The following GPAT3 variants were observed in gnomAD, a reference collection of about 807,000 sequenced individuals.
GPAT3 encodes the protein glycerol-3-phosphate acyltransferase 3.
In GPAT3, 53 loss-of-function variants were observed where a neutral mutation model predicts 58.8. The ratio of observed to expected loss-of-function variants is 0.90; its 90% CI spans 0.72 to 1.13. The LOEUF is 1.13. Among genes scored for constraint, GPAT3 ranks in the 50% most tolerant of loss-of-function variants. The pLI is 0.00. For missense variants in GPAT3, 511 were observed against 527.6 expected (o/e 0.97, Z 0.31); for synonymous variants, 197 against 187.4 (o/e 1.05, Z -0.42).
At chr4:83,565,302 TG>T (rs1725339889) in intron 2 of GPAT3, among the ~76,000 whole-genome samples, 1 of 151,906 alleles carries the variant, frequency 6.6e-6, no homozygotes, top group African/African-American at 2.4e-5. Flanking sequence ...GGTTTCACCA[TG>T]TTGACCGGGC....
At position 83,579,017 on chromosome 4, in the gene GPAT3, CCTTTCTTTCTTTCTTTCTTTCTTT is replaced by C. The variant is rs756095198; in HGVS notation, c.209-2505_209-2482del. On this transcript the variant is annotated intron_variant, in intron 2 of 11. Transcript: ENST00000264409. The stretch of plus-strand genomic sequence containing the variant: ...CCTTCCTTCCTTCCTTCCTTCTTTC[CCTTTCTTTCTTTCTTTCTTTCTTT>C]CTTTCTTTCTTTCTTTCTTTCTTTC... Among the ~76,000 whole-genome samples, 24 of 46,522 alleles carry C rather than the reference CCTTTCTTTCTTTCTTTCTTTCTTT, an allele frequency of 5.2e-4. 1 individual carries two copies. Among genetic ancestry groups the C allele is most frequent in the African/African-American group, 1.6e-3 (17 of 10,634 alleles). The allele number at this position is 46,522 out of a possible 152,430, so 30.5% of individuals were successfully genotyped here. A position where few individuals can be genotyped will look rare whatever the true frequency, so the allele number is the denominator to read the frequency against.
chr4:83,560,827 C>A (rs537570498), intron 2 of GPAT3, among the ~76,000 whole-genome samples: 45 of 152,228 alleles, frequency 3.0e-4, no homozygotes, highest in African/African-American at 9.4e-4. Flanking sequence ...TGGTACCTCC[C>A]CTCCGTCTCT....
chr4:83,574,715 C>T (rs1725730653), intron 2 of GPAT3, among the ~76,000 whole-genome samples: 1 of 112,002 alleles, frequency 8.9e-6, no homozygotes, highest in Admixed American at 1.2e-4. Context: ...CTGTGGGCTG[C>T]TTTGAAGGAT....
chr4:83,554,693 G>A (rs902515627), intron 2 of GPAT3, among the ~76,000 whole-genome samples: 4 of 151,526 alleles, frequency 2.6e-5, no homozygotes, highest in African/African-American at 9.7e-5. Flanking sequence ...TTCTACTACT[G>A]TCTTACTATG....
At chr4:83,603,515 G>A (rs1378493851) in intron 11 of GPAT3, among the ~76,000 whole-genome samples, 2 of 152,200 alleles carry the variant, frequency 1.3e-5, no homozygotes, top group African/African-American at 4.8e-5. Flanking sequence ...GTTAGACCGG[G>A]CACGGTGGCT....
intron 2 of GPAT3, among the ~76,000 whole-genome samples, chr4:83,563,452 C>A (rs968185935): frequency 3.0e-5 from 4 of 135,508 alleles, no homozygotes; most frequent in Non-Finnish European, 6.5e-5. Flanking sequence ...TAATGCAAGT[C>A]TTTATTATTT....
At chr4:83,579,398 TC>T in intron 2 of GPAT3, among the ~76,000 whole-genome samples, 1 of 149,970 alleles carries the variant, frequency 6.7e-6, no homozygotes, top group East Asian at 2.0e-4. Flanking sequence ...GCTCAAGTGA[TC>T]CCCCTGCCTC....
intron 2 of GPAT3, among the ~76,000 whole-genome samples, chr4:83,559,996 GC>G (rs1725075067): frequency 6.6e-6 from 1 of 152,184 alleles, no homozygotes; most frequent in African/African-American, 2.4e-5. Context: ...TGGGGAGCAG[GC>G]AAAACCTTTA....
chr4:83,562,198 T>TATAA (rs1311929943), intron 2 of GPAT3, among the ~76,000 whole-genome samples: 2 of 40,834 alleles, frequency 4.9e-5, no homozygotes, highest in East Asian at 1.2e-3. Flanking sequence ...TATATATATA[T>TATAA]AATATATATA....
intron 1 of GPAT3, 106 bp from the exon 2 acceptor site, chr4:83,544,430 A>G (rs2110070768): frequency 8.8e-7 from 1 of 1,140,998 alleles, no homozygotes; most frequent in Non-Finnish European, 1.3e-6. Flanking sequence ...TAGTTCAGAC[A>G]CTGCCAGAGC....
intron 2 of GPAT3, among the ~76,000 whole-genome samples, chr4:83,576,180 C>T (rs904215382): frequency 3.3e-5 from 5 of 152,102 alleles, no homozygotes; most frequent in African/African-American, 4.8e-5. Context: ...TTTATTTTAA[C>T]TCATATATAT....
chr4:83,584,586 ACCTCTGC>A (rs1354672366), intron 3 of GPAT3, among the ~76,000 whole-genome samples: 7 of 152,188 alleles, frequency 4.6e-5, no homozygotes, highest in Non-Finnish European at 1.0e-4. Flanking sequence ...GGTCACTGCA[ACCTCTGC>A]CCGCTGAGTT....
At chr4:83,598,394 C>A in intron 10 of GPAT3, 3 of 719,472 alleles carry the variant, frequency 4.2e-6, no homozygotes, top group Non-Finnish European at 6.7e-6. Context: ...GTTTATTGAA[C>A]CTACAGATAT....
rs111538031 is a variant in GPAT3 at position 83,602,052 on chromosome 4, G to A, written c.1206-2616G>A. ...TGTTAAACTAAATGACAGAATCATA[G>A]CATCACAAAACTATATAAAACGACC... On this transcript the variant is annotated intron_variant, in intron 11 of 11. Transcript: ENST00000264409. Among the ~76,000 whole-genome samples the A allele has an allele frequency of 4.6e-3, 694 of 152,278 alleles. 6 individuals are homozygous for A. Among genetic ancestry groups the A allele is most frequent in the African/African-American group, 0.016 (659 of 41,542 alleles).
rs773340172 is a variant in GPAT3, at chr4:83,581,786, T to G, written c.433T>G (p.Trp145Gly). 4.1e-5 allele frequency: 66 copies of G among 1,614,024 alleles called. No homozygotes were observed. Among genetic ancestry groups the G allele is most frequent in the Non-Finnish European group, 5.3e-5 (63 of 1,180,024 alleles). Reference protein sequence around the residue: ...QYISLRLTMVWVLGVIVRYCV... With the variant: ...QYISLRLTMVGVLGVIVRYCV... The stretch of plus-strand genomic sequence containing the variant: ...CATCAGTCTGCGGCTCACTATGGTG[T>G]GGGTGCTGGGCGTCATAGTGCGCTA... Residue 145 changes from tryptophan (W) to glycine (G), a missense_variant, in exon 3 of 12, where the codon TGG (tryptophan) becomes GGG (glycine). Physicochemically the swap from Trp to Gly is radical, Grantham distance 184 (BLOSUM62 -2). Transcript: ENST00000264409.
intron 3 of GPAT3, among the ~76,000 whole-genome samples, chr4:83,586,412 C>T (rs750362011): frequency 4.6e-5 from 7 of 152,144 alleles, no homozygotes; most frequent in East Asian, 1.9e-4. Context: ...GAATACCTCA[C>T]GCATTCAGCA....
At position 83,578,990 on chromosome 4, in the gene GPAT3, TTCCTTCC is replaced by T. The variant is rs1560620769; in HGVS notation, c.209-2570_209-2564del. 4.3e-4 allele frequency among the ~76,000 whole-genome samples: 57 copies of T among 132,428 alleles called. 4 individuals carry two copies. The highest frequency in any genetic ancestry group is 1.3e-3 in the African/African-American group (39 of 30,858). The allele number at this position is 132,428 out of a possible 152,430, so 86.9% of individuals were successfully genotyped here. On this transcript the variant is annotated intron_variant, in intron 2 of 11. Transcript: ENST00000264409. ...TTTCTTTCTTTCTTTCTTTCTTTCC[TTCCTTCC>T]TTCCTTCCTTCCTTCTTTCCCTTTC... is the stretch of plus-strand genomic sequence containing the variant.
chr4:83,575,404 A>G (rs1725773231), intron 2 of GPAT3, among the ~76,000 whole-genome samples: 1 of 151,664 alleles, frequency 6.6e-6, no homozygotes, highest in Admixed American at 6.6e-5. Flanking sequence ...TTGACACCTA[A>G]TTTTATTTTA....
intron 2 of GPAT3, among the ~76,000 whole-genome samples, chr4:83,550,425 T>C (rs954284548): frequency 6.6e-6 from 1 of 152,136 alleles, no homozygotes; most frequent in African/African-American, 2.4e-5. Context: ...ATGATGATGA[T>C]GATGACAATT....
Sources: allele counts gnomAD v4.1 joint callset (sites outside exome capture counted in the v4.1 genomes callset), GRCh38; gene constraint gnomAD v4.1.1; transcripts MANE v1.5; gene names NCBI Gene and HGNC (gene_info 2026-07-23, HGNC 2026-07-21).